Variants in VAV3 observed in about 807,000 individuals in gnomAD.
VAV3 encodes the protein guanine nucleotide exchange factor VAV3.
Under a neutral mutation model 131.2 loss-of-function variants are expected in VAV3, and 94 were observed. That is an observed-to-expected ratio of 0.72 (90% CI 0.61 to 0.85). The LOEUF (loss-of-function observed/expected upper bound fraction) is 0.85, where lower values mean the gene tolerates loss of function less well. Among genes scored for constraint, VAV3 ranks in the 40% least tolerant of loss-of-function variants. VAV3 has a pLI of 0.00. For synonymous variants in VAV3, 349 were observed against 342.0 expected (o/e 1.02, Z -0.22); for missense variants, 939 against 1,002.7 (o/e 0.94, Z 0.86).
intron 2 of VAV3, among the ~76,000 whole-genome samples, chr1:107,861,620 A>G (rs1669739045): frequency 6.6e-6 from 1 of 151,640 alleles, no homozygotes; most frequent in Admixed American, 6.6e-5. Context: ...AATTTGACCT[A>G]GACTGACCAA....
chr1:107,657,086 C>T (rs1656624952), intron 19 of VAV3, among the ~76,000 whole-genome samples: 1 of 151,354 alleles, frequency 6.6e-6, no homozygotes, highest in Admixed American at 6.6e-5. Context: ...TCCGAAGTAG[C>T]TGGGATTACG....
rs186367539 is a variant in VAV3 at position 107,840,956 on chromosome 1, C to T, written c.321+33945G>A. On this transcript the variant is annotated intron_variant, in intron 2 of 26. Transcript: ENST00000370056. Reference sequence around the variant, plus strand: ...AAAAATTCATCTGGCAATCAAATAGCTTATACGGGAAGGCTGGAGGCAGTG... The same window carrying T: ...AAAAATTCATCTGGCAATCAAATAGTTTATACGGGAAGGCTGGAGGCAGTG... Among the ~76,000 whole-genome samples, 41 of 152,060 alleles carry T rather than the reference C, an allele frequency of 2.7e-4. No individual in the cohort carries two copies. The East Asian group carries it at 7.2e-3, about 27-fold the overall frequency.
intron 20 of VAV3, among the ~76,000 whole-genome samples, chr1:107,641,556 T>C (rs1340453833): frequency 4.6e-5 from 7 of 152,114 alleles, no homozygotes; most frequent in African/African-American, 1.7e-4. Flanking sequence ...TTCAACCAAA[T>C]AAAAAGGTCC....
Position 107,901,168 on chromosome 1 carries a change from T to C in VAV3, c.205-26151A>G, listed in dbSNP as rs555055000. Among the ~76,000 whole-genome samples, 15 of 152,284 alleles carry C rather than the reference T, an allele frequency of 9.9e-5. No homozygotes were observed. In the South Asian group the frequency reaches 2.5e-3, roughly 25 times the overall value. ...AGCTGGGGAGCTGCTATGTCCCAGG[T>C]ATTGTAGCTGACAATTTACCTATGT... On this transcript the variant is annotated intron_variant, in intron 1 of 26. Transcript: ENST00000370056.
chr1:107,705,160 A>C (rs1463029151), intron 15 of VAV3, 99 bp from the exon 16 acceptor site: 1 of 941,618 alleles, frequency 1.1e-6, no homozygotes, highest in Non-Finnish European at 1.6e-6. Context: ...CATCAGGTAG[A>C]GATCTGATTC....
intron 15 of VAV3, among the ~76,000 whole-genome samples, chr1:107,706,841 T>C (rs188150415): frequency 5.6e-4 from 86 of 152,254 alleles, no homozygotes; most frequent in African/African-American, 2.1e-3. Context: ...GAAGTACATC[T>C]CCTTCAGGCA....
intron 2 of VAV3, among the ~76,000 whole-genome samples, chr1:107,845,236 G>T (rs1217363307): frequency 1.3e-5 from 2 of 152,156 alleles, no homozygotes; most frequent in Admixed American, 6.5e-5. Context: ...CTAACAAACA[G>T]AAAGGAATAG....
intron 22 of VAV3, among the ~76,000 whole-genome samples, chr1:107,608,352 A>G (rs564118088): frequency 2.0e-5 from 3 of 152,324 alleles, no homozygotes; most frequent in South Asian, 2.1e-4. Context: ...GCCCAGTTAC[A>G]TGAAAAATGG....
chr1:107,954,668 C>T (rs1340680911), intron 1 of VAV3, among the ~76,000 whole-genome samples: 1 of 151,250 alleles, frequency 6.6e-6, no homozygotes, highest in East Asian at 1.9e-4. Flanking sequence ...AAAATTTTAA[C>T]TCAATATCTG....
chr1:107,728,706 A>G (rs1011941873), intron 15 of VAV3, among the ~76,000 whole-genome samples: 9 of 151,956 alleles, frequency 5.9e-5, no homozygotes, highest in Admixed American at 2.0e-4. Flanking sequence ...CTTAACACAC[A>G]CTACTTATAA....
chr1:107,682,642 G>C (rs1658725729), intron 19 of VAV3, among the ~76,000 whole-genome samples: 1 of 152,182 alleles, frequency 6.6e-6, no homozygotes. Context: ...CATGGGTGTG[G>C]TTTCAGTTAT....
At chr1:107,708,278 G>A (rs1660572632) in intron 15 of VAV3, among the ~76,000 whole-genome samples, 1 of 152,184 alleles carries the variant, frequency 6.6e-6, no homozygotes, top group South Asian at 2.1e-4. Flanking sequence ...ACCAATCATG[G>A]GGTTGGGTTG....
At chr1:107,671,608 T>C (rs1005568502) in intron 19 of VAV3, among the ~76,000 whole-genome samples, 1 of 151,942 alleles carries the variant, frequency 6.6e-6, no homozygotes, top group African/African-American at 2.4e-5. Context: ...AGCAGCAGAG[T>C]AAATTAAGAT....
chr1:107,700,390 A>G (rs1343928404), intron 17 of VAV3, among the ~76,000 whole-genome samples: 1 of 152,200 alleles, frequency 6.6e-6, no homozygotes, highest in Non-Finnish European at 1.5e-5. Flanking sequence ...TGCTGCACCT[A>G]TCAACGCATC....
intron 12 of VAV3, among the ~76,000 whole-genome samples, chr1:107,753,718 C>T (rs996091614): frequency 6.6e-6 from 1 of 151,426 alleles, no homozygotes; most frequent in African/African-American, 2.4e-5. Context: ...TGCCACCATG[C>T]CTGGCTAGTT....
rs767734126 is a variant in VAV3 at position 107,617,650 on chromosome 1, A to C, written c.1915-18T>G. 1 of 1,433,448 alleles carries C rather than the reference A, an allele frequency of 7.0e-7. No individual in the cohort carries two copies. The highest frequency in any genetic ancestry group is 9.8e-7 in the Non-Finnish European group (1 of 1,017,558). The allele number at this position is 1,433,448 out of a possible 1,614,324, so 88.8% of individuals were successfully genotyped here. A position where few individuals can be genotyped will look rare whatever the true frequency, so the allele number is the denominator to read the frequency against. On this transcript the variant is annotated intron_variant, in intron 20 of 26. Coordinates refer to ENST00000370056, the MANE Select transcript of VAV3 (RefSeq NM_006113.5). Reference sequence around the variant, plus strand: ...TTTCTGCCCTAAGGAAAAAAAAAAAATGCCAGTGTTGAGAACAAATTTACC... The same window carrying C: ...TTTCTGCCCTAAGGAAAAAAAAAAACTGCCAGTGTTGAGAACAAATTTACC...
chr1:107,617,633 C>T lies in VAV3; in HGVS notation c.1915-1G>A. The T allele has an allele frequency of 1.3e-6, 2 of 1,588,244 alleles. No homozygotes were observed. Among genetic ancestry groups the T allele is most frequent in the Non-Finnish European group, 1.7e-6 (2 of 1,167,894 alleles). On this transcript the variant is annotated splice_acceptor_variant, in intron 20 of 26. Coordinates refer to ENST00000370056, the MANE Select transcript of VAV3 (RefSeq NM_006113.5). LOFTEE classifies it high-confidence loss of function. ...CCTCTCCAGATGCTAAATTTCTGCC[C>T]TAAGGAAAAAAAAAAAATGCCAGTG...
At chr1:107,716,224 C>T (rs1427796487) in intron 15 of VAV3, among the ~76,000 whole-genome samples, 1 of 152,106 alleles carries the variant, frequency 6.6e-6, no homozygotes, top group Non-Finnish European at 1.5e-5. Context: ...AACCAAAAAT[C>T]ACTCTTCAGA....
At chr1:107,902,760 G>C (rs1485566778) in intron 1 of VAV3, among the ~76,000 whole-genome samples, 1 of 151,970 alleles carries the variant, frequency 6.6e-6, no homozygotes, top group East Asian at 1.9e-4. Flanking sequence ...AAGGCCAGTA[G>C]GATACAAATA....
Sources: allele counts gnomAD v4.1 joint callset (sites outside exome capture counted in the v4.1 genomes callset), GRCh38; gene constraint gnomAD v4.1.1; transcripts MANE v1.5; gene names NCBI Gene and HGNC (gene_info 2026-07-23, HGNC 2026-07-21).